The following OSGIN2 variants were observed in gnomAD, a reference collection of about 807,000 sequenced individuals.
OSGIN2 encodes oxidative stress-induced growth inhibitor 2.
A neutral mutation model predicts 53.8 loss-of-function variants in OSGIN2; 19 were observed. The ratio of observed to expected loss-of-function variants is 0.35; its 90% CI spans 0.25 to 0.52. OSGIN2 has a LOEUF of 0.52. OSGIN2 is among the 20% of genes least tolerant of loss of function. The probability of loss-of-function intolerance (pLI) is 0.95; values close to 1 mark genes in which losing one functional copy is unlikely to be tolerated. For synonymous variants in OSGIN2, 236 were observed against 236.0 expected, an observed-to-expected ratio of 1.00 and a Z score of 0.00; for missense variants, 520 against 662.7, an observed-to-expected ratio of 0.78 and a Z score of 2.36.
chr8:89,914,685 A>T lies in OSGIN2; in HGVS notation c.467A>T (p.Glu156Val). ...DYPSVLHWKL[E>V]QHHYIPHVVL... The stretch of plus-strand genomic sequence containing the variant: ...CCATCCGTTTTGCATTGGAAATTAG[A>T]GCAACATCATTATATCCCTCACGTA... Residue 156 changes from glutamate (E) to valine (V), a missense_variant, in exon 4 of 6, where the codon GAG (glutamate) becomes GTG (valine). Glu to Val is a moderately radical substitution (Grantham distance 121, BLOSUM62 -2). Transcript: ENST00000451899. 2 of 1,614,080 alleles carry T rather than the reference A, an allele frequency of 1.2e-6. No individual in the cohort carries two copies. Among genetic ancestry groups the T allele is most frequent in the Non-Finnish European group, 1.7e-6 (2 of 1,179,910 alleles).
rs1263992476 is a variant in OSGIN2, at chr8:89,924,969, T to G, written c.1087T>G (p.Cys363Gly). 8 of 1,614,064 alleles carry G rather than the reference T, an allele frequency of 5.0e-6. No individual in the cohort carries two copies. Among genetic ancestry groups the G allele is most frequent in the Non-Finnish European group, 6.8e-6 (8 of 1,179,998 alleles). The change falls in exon 6 of 6, where the codon TGT becomes GGT. Residue 363 changes from cysteine (C) to glycine (G), a missense_variant. Physicochemically the swap from Cys to Gly is radical, Grantham distance 159. Around this residue, in one of 3 missense-constraint regions of OSGIN2, gnomAD observed 239 missense variants for 328.3 expected, o/e 0.73. Coordinates refer to ENST00000451899, the MANE Select transcript of OSGIN2 (RefSeq NM_001126111.3). ...SGLTAADAVL[C>G]AYNSNIPVIH... is the part of the protein sequence containing the mutation. Reference sequence around the variant, plus strand: ...GCTTACTGCCGCTGACGCAGTACTGTGTGCTTACAACAGTAATATCCCTGT... The same window carrying G: ...GCTTACTGCCGCTGACGCAGTACTGGGTGCTTACAACAGTAATATCCCTGT...
chr8:89,914,049 AC>A (rs960945647), intron 2 of OSGIN2, 27 bp from the exon 3 acceptor site: 1 of 1,600,718 alleles, frequency 6.2e-7, no homozygotes, highest in African/African-American at 1.3e-5. Flanking sequence ...TGCATGACCT[AC>A]CCCTTTCCAC....
chr8:89,923,440 A>G (rs1247363548), intron 5 of OSGIN2, among the ~76,000 whole-genome samples: 1 of 152,224 alleles, frequency 6.6e-6, no homozygotes, highest in Non-Finnish European at 1.5e-5. Flanking sequence ...CTGATTAATC[A>G]TGGTTTCACT....
At chr8:89,908,090 A>G (rs1255449080) in intron 1 of OSGIN2, among the ~76,000 whole-genome samples, 1 of 152,202 alleles carries the variant, frequency 6.6e-6, no homozygotes, top group Non-Finnish European at 1.5e-5. Context: ...GGGACAGAGC[A>G]GAATATAAAA....
Position 89,925,021 on chromosome 8 carries a change from C to T in OSGIN2, c.1139C>T (p.Thr380Ile). ...ATTCATGTGTTTCGCAGACGAGTAA[C>T]TGATCCAAGCTTAATTTTCAAACAG... is the stretch of plus-strand genomic sequence containing the variant. The part of the protein sequence containing the change: ...PVIHVFRRRV[T>I]DPSLIFKQLP... Residue 380 changes from threonine (T) to isoleucine (I), a missense_variant, in exon 6 of 6, where the codon ACT (threonine) becomes ATT (isoleucine). By Grantham distance (89) the Thr-to-Ile change is moderately conservative. Around this residue, in one of 3 missense-constraint regions of OSGIN2, gnomAD observed 239 missense variants for 328.3 expected, o/e 0.73. Coordinates refer to ENST00000451899, the MANE Select transcript of OSGIN2 (RefSeq NM_001126111.3). 4 of 1,613,838 alleles carry T rather than the reference C, an allele frequency of 2.5e-6. No individual in the cohort carries two copies. Among genetic ancestry groups the T allele is most frequent in the Non-Finnish European group, 3.4e-6 (4 of 1,179,716 alleles).
chr8:89,906,526 T>C (rs1461163551), intron 1 of OSGIN2, among the ~76,000 whole-genome samples: 1 of 152,144 alleles, frequency 6.6e-6, no homozygotes, highest in African/African-American at 2.4e-5. Flanking sequence ...TGACAACATG[T>C]GGTCTTTGGT....
At chr8:89,906,166 C>A (rs976252697) in intron 1 of OSGIN2, among the ~76,000 whole-genome samples, 2 of 152,172 alleles carry the variant, frequency 1.3e-5, no homozygotes, top group African/African-American at 4.8e-5. Context: ...TTTCATCACG[C>A]AGGTATTAAG....
At chr8:89,907,396 G>A (rs1808861388) in intron 1 of OSGIN2, among the ~76,000 whole-genome samples, 1 of 152,118 alleles carries the variant, frequency 6.6e-6, no homozygotes, top group African/African-American at 2.4e-5. Flanking sequence ...ATAGTTTGGG[G>A]TTTTATATTT....
chr8:89,914,589 G>T lies in OSGIN2; in HGVS notation c.371G>T (p.Arg124Leu), dbSNP rs1367369466. 1.2e-6 allele frequency: 2 copies of T among 1,613,866 alleles called. No individual in the cohort carries two copies. Among genetic ancestry groups the T allele is most frequent in the African/African-American group, 2.7e-5 (2 of 74,930 alleles). ...TACTTGTCTGAGGGCCTTGAGGGCCGATCATCCAATCCAGTTGCAGTACTT... is the reference window on the plus strand; with the variant it reads ...TACTTGTCTGAGGGCCTTGAGGGCCTATCATCCAATCCAGTTGCAGTACTT... ...LEYLSEGLEG[R>L]SSNPVAVLFD... The change falls in exon 4 of 6, where the codon CGA becomes CTA. Residue 124 changes from arginine (R) to leucine (L), a missense_variant. Transcript: ENST00000451899.
chr8:89,909,550 C>CTT lies in OSGIN2; in HGVS notation c.45-6_45-5dup, dbSNP rs371682094. On this transcript the variant is annotated splice_polypyrimidine_tract_variant and intron_variant, in intron 1 of 5. Transcript: ENST00000451899. ...TTGACTATATCTCTTTTTATTCCCC[C>CTT]TTTTTTTTTTTTAAAGAAACTATAG... 1,340 of 1,069,586 alleles carry CTT rather than the reference C, an allele frequency of 1.3e-3. 1 individual carries two copies. Among genetic ancestry groups the CTT allele is most frequent in the African/African-American group, 9.5e-3 (564 of 59,124 alleles). 66.3% of individuals were successfully genotyped at this position (1,069,586 alleles called of 1,614,324 possible). A position where few individuals can be genotyped will look rare whatever the true frequency, so the allele number is the denominator to read the frequency against.
intron 1 of OSGIN2, among the ~76,000 whole-genome samples, chr8:89,909,055 T>C (rs1808911653): frequency 7.4e-6 from 1 of 134,900 alleles, no homozygotes; most frequent in South Asian, 2.3e-4. Flanking sequence ...TATATACATA[T>C]ATATATATAT....
chr8:89,903,039 C>G (rs544594418), intron 1 of OSGIN2, among the ~76,000 whole-genome samples: 237 of 152,312 alleles, frequency 1.6e-3, no homozygotes, highest in Non-Finnish European at 2.8e-3. Context: ...CTGCGCTGTT[C>G]CCTTTTCTCG....
chr8:89,909,694 T>C lies in OSGIN2; in HGVS notation c.172T>C (p.Ser58Pro), dbSNP rs1808928186. 1.2e-6 allele frequency: 2 copies of C among 1,609,250 alleles called. No homozygotes were observed. Among genetic ancestry groups the C allele is most frequent in the African/African-American group, 1.3e-5 (1 of 74,984 alleles). The change falls in exon 2 of 6, where the codon TCA (serine) becomes CCA (proline). Residue 58 changes from serine to proline, a missense_variant. By Grantham distance (74) the Ser-to-Pro change is moderately conservative. Transcript: ENST00000451899. ...AGAAACTTCTTTACTGGAAGATTCGTCAGTGACTTTTCCTGTGGTAATAAT... is the reference window on the plus strand; with the variant it reads ...AGAAACTTCTTTACTGGAAGATTCGCCAGTGACTTTTCCTGTGGTAATAAT... Reference protein sequence around the residue: ...VEETSLLEDSSVTFPVVIIGN... With the variant: ...VEETSLLEDSPVTFPVVIIGN...
Position 89,925,244 on chromosome 8 carries a change from A to C in OSGIN2, c.1362A>C (p.Val454=). ...LKKIFKLSAA[V]VLIGSHPNLS... is the part of the protein sequence containing the mutation. ...AAATATTTAAGCTGTCTGCAGCAGT[A>C]GTATTGATAGGTTCTCATCCTAATC... The change falls in exon 6 of 6, where the codon GTA becomes GTC. Residue 454 remains valine (V), a synonymous_variant. Transcript: ENST00000451899. 6.2e-7 allele frequency: 1 copy of C among 1,614,164 alleles called. No homozygotes were observed. Among genetic ancestry groups the C allele is most frequent in the Non-Finnish European group, 8.5e-7 (1 of 1,180,006 alleles).
In OSGIN2 at chr8:89,911,886, C is replaced by T. The variant is rs142999162; in HGVS notation, c.199+2165C>T. On this transcript the variant is annotated intron_variant, in intron 2 of 5. Transcript: ENST00000451899. The stretch of plus-strand genomic sequence containing the variant: ...CCGTGAGGCAGAGGTTGCAATGAGC[C>T]GAGATCGCACCACTGTACTCCAGCT... Among the ~76,000 whole-genome samples the T allele has an allele frequency of 4.0e-3, 606 of 151,652 alleles. 13 individuals are homozygous for T. In the East Asian group the frequency reaches 0.063, roughly 16 times the overall value.
chr8:89,915,305 A>G (rs150074754), intron 4 of OSGIN2, among the ~76,000 whole-genome samples: 1,856 of 152,232 alleles, frequency 0.012, 17 homozygotes, highest in Middle Eastern at 0.054. Context: ...TGCCTTCTCA[A>G]TGTGTCCTCA....
At chr8:89,920,120 T>C (rs1158148684) in intron 4 of OSGIN2, among the ~76,000 whole-genome samples, 1 of 152,158 alleles carries the variant, frequency 6.6e-6, no homozygotes, top group African/African-American at 2.4e-5. Flanking sequence ...TGATAGATAA[T>C]ACATTCTTAA....
At chr8:89,908,331 T>G (rs1377886891) in intron 1 of OSGIN2, among the ~76,000 whole-genome samples, 1 of 152,144 alleles carries the variant, frequency 6.6e-6, no homozygotes, top group Non-Finnish European at 1.5e-5. Flanking sequence ...ACCAAATATT[T>G]GGGGTACAGG....
chr8:89,903,491 G>A (rs1808772855), intron 1 of OSGIN2, among the ~76,000 whole-genome samples: 2 of 152,220 alleles, frequency 1.3e-5, no homozygotes, highest in Admixed American at 1.3e-4. Context: ...TAACCCTGGG[G>A]TGAAGAATGG....
Sources: allele counts gnomAD v4.1 joint callset (sites outside exome capture counted in the v4.1 genomes callset), GRCh38; gene constraint gnomAD v4.1.1; regional missense constraint gnomAD v4.1.1; transcripts MANE v1.5; gene names NCBI Gene and HGNC (gene_info 2026-07-23, HGNC 2026-07-21).